The following PLLP variants were observed in gnomAD, a reference collection of about 807,000 sequenced individuals.
PLLP encodes the protein plasmolipin.
PLLP carries 15 observed loss-of-function variants against 19.7 expected under a neutral mutation model. That is an observed-to-expected ratio of 0.76 (90% CI 0.51 to 1.17). The LOEUF is 1.17. Ranked by LOEUF, PLLP falls within the 50% of genes most tolerant of loss-of-function variation. The pLI is 0.00. For missense variants in PLLP, 255 were observed against 258.3 expected, an observed-to-expected ratio of 0.99 and a Z score of 0.09; for synonymous variants, 111 against 116.3, an observed-to-expected ratio of 0.95 and a Z score of 0.29.
Position 57,256,834 on chromosome 16 carries a change from A to C in PLLP, c.*79T>G. On this transcript the variant is annotated 3_prime_UTR_variant, in exon 4 of 4. Coordinates refer to ENST00000219207, the MANE Select transcript of PLLP (RefSeq NM_015993.3). ...GGGCTGACTCCACGCAGGGCTCCCC[A>C]GCTTCAGGCTTGCAGGGTGACCCTG... The C allele has an allele frequency of 2.1e-6, 2 of 942,400 alleles. No homozygotes were observed. The highest frequency in any genetic ancestry group is 3.6e-5 in the Admixed American group (2 of 55,270). 58.4% of individuals were successfully genotyped at this position (942,400 alleles called of 1,614,324 possible). A position where few individuals can be genotyped will look rare whatever the true frequency, so the allele number is the denominator to read the frequency against.
intron 1 of PLLP, among the ~76,000 whole-genome samples, chr16:57,266,899 C>A (rs2146442688): frequency 7.0e-6 from 1 of 142,576 alleles, no homozygotes; most frequent in East Asian, 2.1e-4. Flanking sequence ...TTCTGAAAAC[C>A]TGAATAATTT....
chr16:57,262,020 C>G lies in PLLP; in HGVS notation c.186G>C (p.Leu62=). 1 of 1,614,216 alleles carries G rather than the reference C, an allele frequency of 6.2e-7. No homozygotes were observed. The highest frequency in any genetic ancestry group is 1.3e-5 in the African/African-American group (1 of 75,060). ...WALIADTPYH[L]YPAYGWVMFV... ...ACATCACCCAGCCATAGGCCGGATA[C>G]AGGTGGTACGGGGTGTCCGCAATCA... Residue 62 remains leucine, a synonymous_variant, in exon 2 of 4, where the codon CTG becomes CTC. Transcript: ENST00000219207.
intron 1 of PLLP, among the ~76,000 whole-genome samples, chr16:57,278,976 G>C (rs1450718097): frequency 6.6e-6 from 1 of 152,180 alleles, no homozygotes; most frequent in African/African-American, 2.4e-5. Flanking sequence ...CCCAAGGATG[G>C]AGCAGGCAGC....
intron 1 of PLLP, among the ~76,000 whole-genome samples, chr16:57,267,099 C>T (rs1393632317): frequency 1.3e-5 from 2 of 152,174 alleles, no homozygotes; most frequent in African/African-American, 2.4e-5. Flanking sequence ...CCTGTTATTA[C>T]AGTTTCCCCA....
intron 1 of PLLP, among the ~76,000 whole-genome samples, chr16:57,274,868 TCTC>T (rs1901128683): frequency 4.6e-5 from 7 of 151,794 alleles, no homozygotes; most frequent in Admixed American, 4.6e-4. Flanking sequence ...TTCACACCAT[TCTC>T]CTGCCTCAGC....
chr16:57,259,978 A>AG (rs1438348075), intron 2 of PLLP, among the ~76,000 whole-genome samples: 1 of 150,934 alleles, frequency 6.6e-6, no homozygotes, highest in African/African-American at 2.4e-5. Context: ...CTTTGTCTAA[A>AG]AAAAAAAAAA....
chr16:57,275,641 C>CAAAAAAAAAAAAAAAAAAAAAAAAAAAAA (rs57139241), intron 1 of PLLP, among the ~76,000 whole-genome samples: 1 of 41,392 alleles, frequency 2.4e-5, no homozygotes, highest in Non-Finnish European at 4.3e-5. Flanking sequence ...TTTTGCAAGG[C>CAAAAAAAAAAAAAAAAAAAAAAAAAAAAA]AAAAAAAAAA....
chr16:57,264,566 T>G (rs2146441163), intron 1 of PLLP, among the ~76,000 whole-genome samples: 1 of 152,356 alleles, frequency 6.6e-6, no homozygotes, highest in East Asian at 1.9e-4. Context: ...GCAGTGGGGC[T>G]GGGCGTGGTG....
intron 1 of PLLP, among the ~76,000 whole-genome samples, chr16:57,284,137 C>A (rs1287031698): frequency 6.6e-6 from 1 of 152,122 alleles, no homozygotes; most frequent in African/African-American, 2.4e-5. Flanking sequence ...CGATGGGGCA[C>A]GGGCAGTGGG....
At chr16:57,260,487 C>T (rs761650782) in intron 2 of PLLP, among the ~76,000 whole-genome samples, 3 of 152,152 alleles carry the variant, frequency 2.0e-5, no homozygotes, top group Non-Finnish European at 4.4e-5. Context: ...CCTGCAAACG[C>T]TGCCTGTTTC....
intron 1 of PLLP, among the ~76,000 whole-genome samples, chr16:57,275,505 T>C (rs569917206): frequency 9.3e-5 from 14 of 151,070 alleles, no homozygotes; most frequent in African/African-American, 3.4e-4. Flanking sequence ...GTTAATACAT[T>C]CCAGACAGAT....
At chr16:57,281,866 T>C (rs1163561180) in intron 1 of PLLP, among the ~76,000 whole-genome samples, 6 of 152,248 alleles carry the variant, frequency 3.9e-5, no homozygotes, top group African/African-American at 1.4e-4. Context: ...AGAACTCTGA[T>C]GGAAGACCCT....
At position 57,267,565 on chromosome 16, in the gene PLLP, C is replaced by G. The variant is rs2075461483; in HGVS notation, c.136-5495G>C. 2.0e-5 allele frequency among the ~76,000 whole-genome samples: 3 copies of G among 146,528 alleles called. No homozygotes were observed. The South Asian group carries it at 6.5e-4, about 32-fold the overall frequency. ...CCTGGGGGACAGAGTGGGACTCTGT[C>G]TCAGAAACAAAACAAAACAAAACAA... On this transcript the variant is annotated intron_variant, in intron 1 of 3. Coordinates refer to ENST00000219207, the MANE Select transcript of PLLP (RefSeq NM_015993.3).
In PLLP at chr16:57,258,448, G is replaced by C; in HGVS notation, c.432+14C>G. On this transcript the variant is annotated intron_variant, in intron 3 of 3. Coordinates refer to ENST00000219207, the MANE Select transcript of PLLP (RefSeq NM_015993.3). ...CCCTGCAGACCACCAAGGGAGCCTG[G>C]GAAGCAGACTCACCGAGGCAGCCGC... 4.4e-6 allele frequency: 7 copies of C among 1,607,174 alleles called. No individual in the cohort carries two copies. The highest frequency in any genetic ancestry group is 5.9e-6 in the Non-Finnish European group (7 of 1,179,562).
Position 57,258,601 on chromosome 16 carries a change from T to G in PLLP, c.310-17A>C, listed in dbSNP as rs1244594809. On this transcript the variant is annotated splice_polypyrimidine_tract_variant and intron_variant, in intron 2 of 3. Coordinates refer to ENST00000219207, the MANE Select transcript of PLLP (RefSeq NM_015993.3). ...GATCATTAACTGCAGGACATGGGGG[T>G]AGGGAGTGGGGAGAGAAAAGGCTTA... The G allele has an allele frequency of 6.2e-7, 1 of 1,609,008 alleles. No homozygotes were observed. Among genetic ancestry groups the G allele is most frequent in the Non-Finnish European group, 8.5e-7 (1 of 1,178,978 alleles).
rs1567528183 is a variant in PLLP at position 57,257,025 on chromosome 16, A to C, written c.437T>G (p.Phe146Cys). The C allele has an allele frequency of 6.2e-7, 1 of 1,609,390 alleles. No homozygotes were observed. Among genetic ancestry groups the C allele is most frequent in the Non-Finnish European group, 8.5e-7 (1 of 1,175,770 alleles). Residue 146 changes from phenylalanine to cysteine, a missense_variant, in exon 4 of 4, where the codon TTT (phenylalanine) becomes TGT (cysteine). By Grantham distance (205) the Phe-to-Cys change is radical (BLOSUM62 -2). Coordinates refer to ENST00000219207, the MANE Select transcript of PLLP (RefSeq NM_015993.3). ...ATAGGCGATCATCACCAAACACGCA[A>C]AGAACTGAAAGAGAGGTGAGAAGGG... ...PYNQRAAASFFACLVMIAYGV... is the reference protein window; with the variant it reads ...PYNQRAAASFCACLVMIAYGV...
chr16:57,280,293 A>G (rs374589143), intron 1 of PLLP, among the ~76,000 whole-genome samples: 2 of 152,158 alleles, frequency 1.3e-5, no homozygotes, highest in East Asian at 1.9e-4. Context: ...CTCGGAGCCT[A>G]TTTACTTATC....
chr16:57,262,453 G>A (rs2075444802), intron 1 of PLLP, among the ~76,000 whole-genome samples: 2 of 152,168 alleles, frequency 1.3e-5, no homozygotes. Context: ...TTGGGAGGCT[G>A]AGGCAGGAGA....
intron 1 of PLLP, among the ~76,000 whole-genome samples, chr16:57,279,612 T>G (rs1303237293): frequency 6.6e-6 from 1 of 151,694 alleles, no homozygotes; most frequent in Admixed American, 6.6e-5. Flanking sequence ...GAGGTTGAGG[T>G]TGCAGTGAGC....
Sources: gnomAD v4.1 joint callset for allele counts (sites outside exome capture counted in the v4.1 genomes callset) on GRCh38, gnomAD v4.1.1 for gene constraint, MANE v1.5 for transcripts, NCBI Gene and HGNC (gene_info 2026-07-23, HGNC 2026-07-21) for gene names.